Variants in PDE1C observed in about 807,000 individuals in gnomAD.
PDE1C encodes dual specificity calcium/calmodulin-dependent 3',5'-cyclic nucleotide phosphodiesterase 1C.
A neutral mutation model predicts 93.1 loss-of-function variants in PDE1C; 62 were observed. That is an observed-to-expected ratio of 0.67 (90% CI 0.54 to 0.82). The LOEUF (loss-of-function observed/expected upper bound fraction) is 0.82. Ranked by LOEUF, PDE1C falls within the 40% of genes least tolerant of loss-of-function variation. The pLI is 0.00. For synonymous variants in PDE1C, 325 were observed against 310.1 expected, an observed-to-expected ratio of 1.05 and a Z score of -0.50; for missense variants, 742 against 884.6, an observed-to-expected ratio of 0.84 and a Z score of 2.04.
intron 2 of PDE1C, among the ~76,000 whole-genome samples, chr7:32,024,382 G>C (rs920020576): frequency 2.7e-5 from 4 of 150,536 alleles, no homozygotes; most frequent in African/African-American, 9.9e-5. Context: ...CAGATATGTA[G>C]ATTTCTCAAT....
In PDE1C at chr7:31,923,494, T is replaced by C. The variant is rs138347593; in HGVS notation, c.129-42634A>G. ...CAGGGTGAATAGCAGCTGGAATTTA[T>C]ATAATCATGGTTAATGATTCTCTTA... is the stretch of plus-strand genomic sequence containing the variant. On this transcript the variant is annotated intron_variant, in intron 2 of 17. Coordinates refer to ENST00000396191, the MANE Select transcript of PDE1C (RefSeq NM_001191057.4). 3.7e-3 allele frequency among the ~76,000 whole-genome samples: 564 copies of C among 152,322 alleles called. 2 individuals carry two copies. The highest frequency in any genetic ancestry group is 0.013 in the African/African-American group (520 of 41,564).
At chr7:31,971,762 C>T (rs1055520545) in intron 2 of PDE1C, among the ~76,000 whole-genome samples, 1 of 152,222 alleles carries the variant, frequency 6.6e-6, no homozygotes, top group Non-Finnish European at 1.5e-5. Flanking sequence ...TTCTTCCCCA[C>T]TCCCTTCTTC....
intron 5 of PDE1C, among the ~76,000 whole-genome samples, chr7:31,877,544 T>A (rs1334259656): frequency 1.1e-4 from 17 of 151,956 alleles, no homozygotes; most frequent in Admixed American, 2.6e-4. Flanking sequence ...TCTTTTTTTT[T>A]AAATCTTGCT....
At chr7:32,186,263 C>T (rs532523003) in intron 2 of PDE1C, among the ~76,000 whole-genome samples, 182 of 151,944 alleles carry the variant, frequency 1.2e-3, no homozygotes, top group African/African-American at 4.1e-3. Flanking sequence ...CCACCGCGCC[C>T]GGCTAATTTT....
At chr7:31,813,645 T>C (rs553698286) in intron 15 of PDE1C, among the ~76,000 whole-genome samples, 6 of 152,132 alleles carry the variant, frequency 3.9e-5, no homozygotes, top group Non-Finnish European at 8.8e-5. Flanking sequence ...TATGAACATA[T>C]GTTTTTATTT....
intron 3 of PDE1C, among the ~76,000 whole-genome samples, chr7:32,083,190 A>C (rs1278453458): frequency 6.6e-6 from 1 of 152,134 alleles, no homozygotes; most frequent in Non-Finnish European, 1.5e-5. Flanking sequence ...AGGCTTGAGA[A>C]CTACGTGAAG....
At chr7:31,675,597 G>A in the PDE1C span, among the ~76,000 whole-genome samples, 1 of 151,936 alleles carries the variant, frequency 6.6e-6, no homozygotes, top group East Asian at 1.9e-4. Context: ...ACACACAACT[G>A]CAAACATCAC....
chr7:32,226,119 T>C (rs1416322034), intron 1 of PDE1C, among the ~76,000 whole-genome samples: 1 of 152,148 alleles, frequency 6.6e-6, no homozygotes, highest in East Asian at 1.9e-4. Context: ...TTGACGTCCA[T>C]TGTTGTTTGT....
At chr7:32,296,294 C>T (rs909570800) in intron 1 of PDE1C, among the ~76,000 whole-genome samples, 3 of 152,166 alleles carry the variant, frequency 2.0e-5, no homozygotes, top group Admixed American at 2.0e-4. Context: ...TATCACATTG[C>T]CCCAAGAATA....
intron 14 of PDE1C, among the ~76,000 whole-genome samples, chr7:31,820,119 G>A (rs1402935397): frequency 6.6e-6 from 1 of 151,974 alleles, no homozygotes; most frequent in Non-Finnish European, 1.5e-5. Context: ...TAAATATTCA[G>A]TATCAGAATA....
At chr7:32,052,498 G>A (rs1406481031) in intron 1 of PDE1C, among the ~76,000 whole-genome samples, 1 of 152,174 alleles carries the variant, frequency 6.6e-6, no homozygotes, top group East Asian at 1.9e-4. Flanking sequence ...CAGCACTGGA[G>A]GGGATTAGAG....
At chr7:31,649,478 G>T in the PDE1C span, among the ~76,000 whole-genome samples, 1 of 152,190 alleles carries the variant, frequency 6.6e-6, no homozygotes, top group Non-Finnish European at 1.5e-5. Flanking sequence ...ACTGGCCATT[G>T]TCTCTACAAG....
chr7:32,143,529 G>A (rs968319083), intron 3 of PDE1C, among the ~76,000 whole-genome samples: 1 of 151,940 alleles, frequency 6.6e-6, no homozygotes, highest in African/African-American at 2.4e-5. Context: ...CATGTGCTGT[G>A]ATAAATTCCT....
the PDE1C span, among the ~76,000 whole-genome samples, chr7:31,711,839 T>A: frequency 6.6e-6 from 1 of 152,152 alleles, no homozygotes; most frequent in Admixed American, 6.5e-5. Flanking sequence ...TCTCCTTGCT[T>A]AGAATAAAGG....
chr7:31,719,865 T>C, the PDE1C span, among the ~76,000 whole-genome samples: 1 of 152,252 alleles, frequency 6.6e-6, no homozygotes, highest in South Asian at 2.1e-4. Context: ...GTTTCTATTG[T>C]CAAATGTTCG....
At chr7:31,617,302 T>C in the PDE1C span, among the ~76,000 whole-genome samples, 2 of 152,050 alleles carry the variant, frequency 1.3e-5, no homozygotes, top group African/African-American at 4.8e-5. Flanking sequence ...AATGGGTTTC[T>C]CAACAAGTAT....
At chr7:32,374,291 GAAAGAAAGAAAGAAAGAA>G (rs1156595785) in intron 1 of PDE1C, among the ~76,000 whole-genome samples, 6 of 149,156 alleles carry the variant, frequency 4.0e-5, no homozygotes, top group African/African-American at 1.5e-4. Context: ...AAGAAAGAAA[GAAAGAAAGAAAGAAAGAA>G]GAAAAGAAAA....
chr7:31,936,749 G>A (rs980104905), intron 2 of PDE1C, among the ~76,000 whole-genome samples: 3 of 152,068 alleles, frequency 2.0e-5, no homozygotes, highest in African/African-American at 7.2e-5. Flanking sequence ...AAGAGTTCTG[G>A]CACACTATAA....
intron 2 of PDE1C, among the ~76,000 whole-genome samples, chr7:31,967,299 A>G (rs1810159334): frequency 6.6e-6 from 1 of 152,254 alleles, no homozygotes; most frequent in African/African-American, 2.4e-5. Context: ...TCCCACAGAA[A>G]TACAAACTAC....
Sources: gnomAD v4.1 joint callset for allele counts (sites outside exome capture counted in the v4.1 genomes callset) on GRCh38, gnomAD v4.1.1 for gene constraint, MANE v1.5 for transcripts, NCBI Gene and HGNC (gene_info 2026-07-23, HGNC 2026-07-21) for gene names.